PRELID2: variants seen among roughly 807,000 people sequenced by gnomAD.
PRELID2 encodes the protein PRELI domain containing 2, also known as PRELI domain-containing protein 2.
PRELID2 carries 25 observed loss-of-function variants against 28.4 expected under a neutral mutation model. The observed-to-expected ratio is 0.88, with a 90% CI of 0.64 to 1.23. The LOEUF (loss-of-function observed/expected upper bound fraction) is 1.23, where lower values mean the gene tolerates loss of function less well. Ranked by LOEUF, PRELID2 falls within the 50% of genes most tolerant of loss-of-function variation. The pLI is 0.00. For missense variants in PRELID2, 201 were observed against 214.4 expected (o/e 0.94, Z 0.39); for synonymous variants, 76 against 71.6 (o/e 1.06, Z -0.31).
chr5:145,820,659 C>G (rs762815461), intron 2 of PRELID2, among the ~76,000 whole-genome samples: 2 of 152,070 alleles, frequency 1.3e-5, no homozygotes, highest in South Asian at 4.1e-4. Context: ...CAAACCTGTA[C>G]GGTTCTGCAG....
chr5:145,375,624 G>GGTTCCT, the PRELID2 span, among the ~76,000 whole-genome samples: 1 of 152,164 alleles, frequency 6.6e-6, no homozygotes, highest in African/African-American at 2.4e-5. Flanking sequence ...CCTCTCCCTA[G>GGTTCCT]GGGCTCAGGC....
At chr5:145,616,886 G>C (rs1740617757) in intron 1 of PRELID2, among the ~76,000 whole-genome samples, 1 of 152,114 alleles carries the variant, frequency 6.6e-6, no homozygotes. Context: ...TGGGAGACTG[G>C]GGCTTATTTC....
At chr5:145,746,528 T>C (rs1043099502) in intron 1 of PRELID2, among the ~76,000 whole-genome samples, 11 of 152,132 alleles carry the variant, frequency 7.2e-5, no homozygotes, top group Non-Finnish European at 2.9e-5. Context: ...CCCAGATTCA[T>C]AAAACAAGTT....
At chr5:145,451,645 TG>T in the PRELID2 span, among the ~76,000 whole-genome samples, 41 of 152,214 alleles carry the variant, frequency 2.7e-4, no homozygotes, top group Middle Eastern at 3.4e-3. Context: ...GGGTATATGT[TG>T]AGAAAAAACC....
intron 1 of PRELID2, among the ~76,000 whole-genome samples, chr5:145,546,907 T>C (rs554501182): frequency 9.2e-5 from 14 of 152,228 alleles, no homozygotes; most frequent in Non-Finnish European, 1.5e-4. Context: ...GGACAAGTTT[T>C]GTGATCTGGA....
At chr5:145,451,346 T>C in the PRELID2 span, among the ~76,000 whole-genome samples, 1 of 152,202 alleles carries the variant, frequency 6.6e-6, no homozygotes, top group African/African-American at 2.4e-5. Flanking sequence ...AAATACCATT[T>C]CTTCCAGAAA....
chr5:145,310,498 G>T, the PRELID2 span, among the ~76,000 whole-genome samples: 1 of 152,224 alleles, frequency 6.6e-6, no homozygotes, highest in African/African-American at 2.4e-5. Flanking sequence ...CTGTCAAAAT[G>T]GTCATGATTT....
intron 1 of PRELID2, among the ~76,000 whole-genome samples, chr5:145,630,640 C>T (rs1259912272): frequency 6.6e-6 from 1 of 152,128 alleles, no homozygotes; most frequent in Non-Finnish European, 1.5e-5. Context: ...TTTTAGGATG[C>T]AAGACCTTCT....
chr5:145,780,783 G>C (rs1041496425), intron 5 of PRELID2, among the ~76,000 whole-genome samples: 2 of 152,100 alleles, frequency 1.3e-5, no homozygotes, highest in African/African-American at 4.8e-5. Flanking sequence ...AAAAGCCCCT[G>C]ATTGAGGAAA....
At chr5:145,653,243 T>C (rs1445201367) in intron 1 of PRELID2, among the ~76,000 whole-genome samples, 4 of 152,206 alleles carry the variant, frequency 2.6e-5, no homozygotes, top group East Asian at 3.9e-4. Flanking sequence ...CACCCAGATT[T>C]ATAAAGCAAG....
chr5:145,233,880 AGT>A, the PRELID2 span, among the ~76,000 whole-genome samples: 1 of 152,210 alleles, frequency 6.6e-6, no homozygotes, highest in African/African-American at 2.4e-5. Flanking sequence ...TAATAAAGCA[AGT>A]GTGTTTTTAA....
intron 1 of PRELID2, among the ~76,000 whole-genome samples, chr5:145,740,265 AATATATATATATATATATATATATATAT>A (rs70998029): frequency 0.032 from 1,290 of 40,696 alleles, 58 homozygotes; most frequent in Middle Eastern, 0.11. Flanking sequence ...GGATTTATCA[AATATATATATATATATATATATATATAT>A]ATATATATAT....
At chr5:145,527,609 A>C (rs1400200201) in intron 1 of PRELID2, among the ~76,000 whole-genome samples, 1 of 152,206 alleles carries the variant, frequency 6.6e-6, no homozygotes, top group East Asian at 1.9e-4. Context: ...AGAGAGAGAC[A>C]GCCAGAAAGT....
intron 4 of PRELID2, among the ~76,000 whole-genome samples, chr5:145,802,223 T>C (rs1321001516): frequency 2.0e-5 from 3 of 152,222 alleles, no homozygotes; most frequent in South Asian, 2.1e-4. Context: ...GGACTCAGTT[T>C]ATGGCTGTTA....
intron 1 of PRELID2, among the ~76,000 whole-genome samples, chr5:145,740,663 A>AT (rs1756659978): frequency 1.1e-5 from 1 of 94,908 alleles, no homozygotes; most frequent in East Asian, 3.0e-4. Context: ...TATATAAATA[A>AT]AATAAATATA....
At chr5:145,804,794 CTATT>C (rs1326871560) in intron 4 of PRELID2, among the ~76,000 whole-genome samples, 1 of 152,138 alleles carries the variant, frequency 6.6e-6, no homozygotes, top group African/African-American at 2.4e-5. Context: ...AGAAAAGTGT[CTATT>C]TAGTGAAAGC....
the PRELID2 span, among the ~76,000 whole-genome samples, chr5:145,392,054 C>T: frequency 4.6e-5 from 7 of 152,190 alleles, no homozygotes; most frequent in South Asian, 2.1e-4. Flanking sequence ...CAAACTGTTC[C>T]GACCTCTGTC....
At chr5:145,489,251 A>G (rs1377831645) in intron 1 of PRELID2, among the ~76,000 whole-genome samples, 1 of 152,198 alleles carries the variant, frequency 6.6e-6, no homozygotes, top group Non-Finnish European at 1.5e-5. Context: ...TTTCAACTAA[A>G]GGATTCCACC....
the PRELID2 span, among the ~76,000 whole-genome samples, chr5:145,422,728 C>G: frequency 1.3e-5 from 2 of 151,660 alleles, no homozygotes; most frequent in Non-Finnish European, 2.9e-5. Context: ...GCATTTAGTC[C>G]ATTTACATTT....
Sources: gnomAD v4.1 joint callset for allele counts (sites outside exome capture counted in the v4.1 genomes callset) on GRCh38, gnomAD v4.1.1 for gene constraint, MANE v1.5 for transcripts, NCBI Gene and HGNC (gene_info 2026-07-23, HGNC 2026-07-21) for gene names.